HAUS6: variants seen among roughly 807,000 people sequenced by gnomAD.
HAUS6 encodes the protein HAUS augmin like complex subunit 6, also known as HAUS augmin-like complex subunit 6.
Under a neutral mutation model 106.8 loss-of-function variants are expected in HAUS6, and 80 were observed. That is an observed-to-expected ratio of 0.75 (90% CI 0.63 to 0.90). HAUS6 has a LOEUF of 0.90. Ranked by LOEUF, HAUS6 falls within the 40% of genes least tolerant of loss-of-function variation. The pLI is 0.00. For missense variants in HAUS6, 1,155 were observed against 1,118.1 expected (o/e 1.03, Z -0.47); for synonymous variants, 356 against 379.1 (o/e 0.94, Z 0.71).
intron 11 of HAUS6, among the ~76,000 whole-genome samples, chr9:19,074,972 A>G (rs1176996939): frequency 1.3e-5 from 2 of 152,248 alleles, no homozygotes; most frequent in African/African-American, 4.8e-5. Context: ...AATAGTCAAA[A>G]GGTGAAAACA....
In HAUS6 at chr9:19,089,446, C is replaced by T. The variant is rs990531618; in HGVS notation, c.550G>A (p.Asp184Asn). The T allele has an allele frequency of 1.2e-5, 19 of 1,611,372 alleles. No homozygotes were observed. Among genetic ancestry groups the T allele is most frequent in the Non-Finnish European group, 1.6e-5 (19 of 1,177,696 alleles). ...SRFLQILQRQ[D>N]CVTQKYQENA... ...TCCTGATATTTTTGGGTAACACAAT[C>T]TTGTCTTTGCAAAATTTGTAAAAAT... Residue 184 changes from aspartate (D) to asparagine (N), a missense_variant, in exon 5 of 17, where the codon GAT (aspartate) becomes AAT (asparagine). This residue lies in a region of HAUS6 where 761 missense variants were observed against 690.0 expected (regional missense o/e 1.10). Coordinates refer to ENST00000380502, the MANE Select transcript of HAUS6 (RefSeq NM_017645.5).
intron 7 of HAUS6, among the ~76,000 whole-genome samples, chr9:19,083,334 C>G (rs577700002): frequency 6.6e-6 from 1 of 152,138 alleles, no homozygotes; most frequent in South Asian, 2.1e-4. Context: ...ACTCAAACTC[C>G]TGGGCTCAAG....
chr9:19,081,096 C>T (rs1588615584), intron 8 of HAUS6, among the ~76,000 whole-genome samples: 1 of 151,440 alleles, frequency 6.6e-6, no homozygotes, highest in South Asian at 2.1e-4. Context: ...AAAAAAAAAG[C>T]GGGGGGAAAA....
Position 19,058,708 on chromosome 9 carries a change from A to G in HAUS6, c.2059T>C (p.Leu687=), listed in dbSNP as rs1295137552. ...TGCTTGCAAATTACTTTCTTATTTA[A>G]CAAATCTGACTGATTTTGTGTTGGT... ...EPPTQNQSDL[L]NKKVICKQDL... is the part of the protein sequence containing the mutation. Residue 687 remains leucine, a synonymous_variant, in exon 16 of 17, where the codon TTA becomes CTA. Transcript: ENST00000380502. The G allele has an allele frequency of 4.3e-6, 7 of 1,613,914 alleles. No homozygotes were observed. Among genetic ancestry groups the G allele is most frequent in the African/African-American group, 4.0e-5 (3 of 75,014 alleles).
intron 9 of HAUS6, 72 bp from the exon 10 acceptor site, chr9:19,078,374 A>G (rs1285140887): frequency 1.2e-6 from 1 of 865,052 alleles, no homozygotes; most frequent in Non-Finnish European, 1.9e-6. Context: ...TAAGAAAATA[A>G]CAATAGTTGT....
chr9:19,099,064 A>G (rs1383029608), intron 1 of HAUS6, among the ~76,000 whole-genome samples: 1 of 151,234 alleles, frequency 6.6e-6, no homozygotes, highest in Non-Finnish European at 1.5e-5. Flanking sequence ...ATACCACTAC[A>G]GGGTCATAGA....
At chr9:19,072,190 C>CAAA (rs71333079) in intron 11 of HAUS6, among the ~76,000 whole-genome samples, 1 of 139,088 alleles carries the variant, frequency 7.2e-6, no homozygotes, top group African/African-American at 2.6e-5. Context: ...AACTCCCTCT[C>CAAA]AAAAAAAAAA....
At position 19,054,802 on chromosome 9, in the gene HAUS6, A is replaced by T. The variant is rs1836435346; in HGVS notation, c.*1541T>A. On this transcript the variant is annotated 3_prime_UTR_variant, in exon 17 of 17. Transcript: ENST00000380502. ...TACCAAGGAAGCACATTTAAAATAT[A>T]ATTAAATGAAATAATACACATTAAG... 1 of 152,212 alleles carries T rather than the reference A, an allele frequency of 6.6e-6. No homozygotes were observed. The highest frequency in any genetic ancestry group is 6.5e-5 in the Admixed American group (1 of 15,280). The allele number at this position is 152,212 out of a possible 1,614,324, so 9.4% of individuals were successfully genotyped here.
intron 12 of HAUS6, among the ~76,000 whole-genome samples, chr9:19,065,686 C>G (rs960681664): frequency 2.0e-5 from 3 of 151,750 alleles, no homozygotes; most frequent in African/African-American, 7.3e-5. Flanking sequence ...ACTAAAAATA[C>G]AAAAATTAGC....
At chr9:19,083,828 A>G (rs1837221123) in intron 7 of HAUS6, among the ~76,000 whole-genome samples, 1 of 151,250 alleles carries the variant, frequency 6.6e-6, no homozygotes, top group South Asian at 2.1e-4. Flanking sequence ...TTTTTTTTCA[A>G]GAGAAAAAAA....
At chr9:19,062,591 C>T (rs577805178) in intron 14 of HAUS6, among the ~76,000 whole-genome samples, 1 of 152,294 alleles carries the variant, frequency 6.6e-6, no homozygotes, top group East Asian at 1.9e-4. Context: ...TTCTTTATCC[C>T]ATATTACCCG....
At chr9:19,098,944 C>T (rs1817923146) in intron 1 of HAUS6, among the ~76,000 whole-genome samples, 2 of 145,414 alleles carry the variant, frequency 1.4e-5, no homozygotes, top group African/African-American at 5.3e-5. Flanking sequence ...ATCGCTTGAA[C>T]CTGGGAGGCG....
At chr9:19,084,202 A>G (rs1425707477) in intron 7 of HAUS6, among the ~76,000 whole-genome samples, 3 of 152,226 alleles carry the variant, frequency 2.0e-5, no homozygotes, top group Non-Finnish European at 4.4e-5. Context: ...TAAACATACT[A>G]CAATTACACA....
At chr9:19,059,450 T>G (rs1836559639) in intron 15 of HAUS6, among the ~76,000 whole-genome samples, 1 of 152,248 alleles carries the variant, frequency 6.6e-6, no homozygotes, top group Admixed American at 6.5e-5. Context: ...TTCAATACAA[T>G]TTTATATACA....
rs891646217 is a variant in HAUS6 at position 19,063,522 on chromosome 9, G to A, written c.1435C>T (p.Leu479Phe). Residue 479 changes from leucine to phenylalanine, a missense_variant, in exon 13 of 17, where the codon CTT becomes TTT. Transcript: ENST00000380502. ...CTTATTTTAAAATATACCTTTTCAA[G>A]TACTGTAACACTGTTTCTATCTGAT... ...SSSDRNSVTV[L>F]EKDTKMGTPK... The A allele has an allele frequency of 1.2e-5, 18 of 1,548,104 alleles. No individual in the cohort carries two copies. The highest frequency in any genetic ancestry group is 3.4e-5 in the Admixed American group (2 of 59,666).
At chr9:19,080,436 C>G in intron 9 of HAUS6, 43 bp downstream of exon 9, 1 of 1,333,726 alleles carries the variant, frequency 7.5e-7, no homozygotes, top group South Asian at 1.2e-5. Context: ...GAGAAAACCA[C>G]CCTACTCCTC....
chr9:19,070,535 C>A (rs1354656300), intron 11 of HAUS6, among the ~76,000 whole-genome samples: 1 of 152,140 alleles, frequency 6.6e-6, no homozygotes, highest in Non-Finnish European at 1.5e-5. Context: ...AAACAAGTTA[C>A]TCAAAGACTA....
At chr9:19,060,640 T>C (rs1392471331) in intron 14 of HAUS6, among the ~76,000 whole-genome samples, 1 of 152,220 alleles carries the variant, frequency 6.6e-6, no homozygotes, top group Non-Finnish European at 1.5e-5. Context: ...CAGTGACATC[T>C]CTATTAAGAA....
intron 6 of HAUS6, 110 bp downstream of exon 6, chr9:19,086,981 C>T (rs2171957): frequency 0.18 from 120,945 of 665,030 alleles, 11,457 homozygotes; most frequent in Admixed American, 0.23. Flanking sequence ...CATCATCTGG[C>T]TATTGATATA....
Sources: allele counts gnomAD v4.1 joint callset (sites outside exome capture counted in the v4.1 genomes callset), GRCh38; gene constraint gnomAD v4.1.1; regional missense constraint gnomAD v4.1.1; transcripts MANE v1.5; gene names NCBI Gene and HGNC (gene_info 2026-07-23, HGNC 2026-07-21).